The following ARHGEF38 variants were observed in gnomAD, a reference collection of about 807,000 sequenced individuals.
The protein encoded by ARHGEF38 is Rho guanine nucleotide exchange factor (GEF) 38.
ARHGEF38 carries 79 observed loss-of-function variants against 79.9 expected under a neutral mutation model. The ratio of observed to expected loss-of-function variants is 0.99; its 90% CI spans 0.82 to 1.19. The LOEUF (loss-of-function observed/expected upper bound fraction) is 1.19. Among genes scored for constraint, ARHGEF38 ranks in the 50% most tolerant of loss-of-function variants. ARHGEF38 has a pLI of 0.00. For synonymous variants in ARHGEF38, 366 were observed against 328.3 expected (o/e 1.11, Z -1.24); for missense variants, 962 against 907.2 (o/e 1.06, Z -0.78).
chr4:105,617,168 A>G lies in ARHGEF38; in HGVS notation c.508+3661A>G, dbSNP rs1281745739. Among the ~76,000 whole-genome samples the G allele has an allele frequency of 2.6e-5, 4 of 152,250 alleles. No individual in the cohort carries two copies. In the East Asian group the frequency reaches 5.8e-4, roughly 22 times the overall value. ...AAAGAAAAGCTTTTAGAAGTTTATC[A>G]TGTCAATGGTGAATTGTCTGACCTT... On this transcript the variant is annotated intron_variant, in intron 3 of 13. Coordinates refer to ENST00000420470, the MANE Select transcript of ARHGEF38 (RefSeq NM_001242729.2).
intron 4 of ARHGEF38, among the ~76,000 whole-genome samples, chr4:105,633,867 C>T (rs1487607081): frequency 6.6e-6 from 1 of 152,112 alleles, no homozygotes; most frequent in Non-Finnish European, 1.5e-5. Context: ...ACACCAGAAG[C>T]TTTCACAGTG....
At chr4:105,640,030 A>G (rs1451972004) in intron 5 of ARHGEF38, among the ~76,000 whole-genome samples, 1 of 152,020 alleles carries the variant, frequency 6.6e-6, no homozygotes, top group Non-Finnish European at 1.5e-5. Flanking sequence ...TTTGGTATTT[A>G]TCTTTATTAC....
At chr4:105,659,414 G>T in intron 10 of ARHGEF38, 49 bp downstream of exon 10, 1 of 1,487,894 alleles carries the variant, frequency 6.7e-7, no homozygotes, top group South Asian at 1.3e-5. Context: ...TACTGGATCT[G>T]CTAGAAACCA....
intron 2 of ARHGEF38, among the ~76,000 whole-genome samples, chr4:105,603,671 A>G (rs1025622048): frequency 6.6e-6 from 1 of 152,124 alleles, no homozygotes; most frequent in Non-Finnish European, 1.5e-5. Flanking sequence ...AGGCAGAGTC[A>G]TAGATATGTT....
intron 2 of ARHGEF38, among the ~76,000 whole-genome samples, chr4:105,592,513 C>T (rs541079693): frequency 4.5e-4 from 68 of 152,088 alleles, no homozygotes; most frequent in Admixed American, 8.5e-4. Flanking sequence ...TCATTATAAT[C>T]GCTCCTTGCA....
intron 1 of ARHGEF38, among the ~76,000 whole-genome samples, chr4:105,579,449 G>T (rs1216957201): frequency 6.6e-6 from 1 of 152,114 alleles, no homozygotes; most frequent in Non-Finnish European, 1.5e-5. Flanking sequence ...AAGGGATATT[G>T]AACCGTATCA....
chr4:105,640,147 A>G (rs567747054), intron 5 of ARHGEF38, among the ~76,000 whole-genome samples: 1 of 152,050 alleles, frequency 6.6e-6, no homozygotes, highest in African/African-American at 2.4e-5. Flanking sequence ...TCTACACACA[A>G]CAAACACACA....
chr4:105,634,893 AG>A (rs1360751538), intron 4 of ARHGEF38, among the ~76,000 whole-genome samples: 1 of 152,172 alleles, frequency 6.6e-6, no homozygotes, highest in African/African-American at 2.4e-5. Context: ...TTCTCCATTC[AG>A]GGAGGAAGCT....
chr4:105,568,770 G>T (rs1726067457), intron 1 of ARHGEF38, among the ~76,000 whole-genome samples: 1 of 152,290 alleles, frequency 6.6e-6, no homozygotes, highest in South Asian at 2.1e-4. Context: ...CTGGTTGGTT[G>T]TTGGGAGTAT....
intron 2 of ARHGEF38, among the ~76,000 whole-genome samples, chr4:105,607,921 C>T (rs1392726677): frequency 2.0e-5 from 3 of 151,798 alleles, no homozygotes; most frequent in Non-Finnish European, 4.4e-5. Context: ...AGATGACTGC[C>T]AAAGATAGAA....
rs985875088 is a variant in ARHGEF38, at chr4:105,636,807, C to A, written c.674+387C>A. Among the ~76,000 whole-genome samples, 6 of 151,908 alleles carry A rather than the reference C, an allele frequency of 3.9e-5. No homozygotes were observed. In the South Asian group the frequency reaches 1.2e-3, roughly 32 times the overall value. ...CATTTGAAGTTTCTATAGATTAATG[C>A]ATAAGAAAAGATTATTTTATGAAAA... On this transcript the variant is annotated intron_variant, in intron 5 of 13. Coordinates refer to ENST00000420470, the MANE Select transcript of ARHGEF38 (RefSeq NM_001242729.2).
chr4:105,626,397 G>A (rs1728948787), intron 3 of ARHGEF38, among the ~76,000 whole-genome samples: 1 of 152,094 alleles, frequency 6.6e-6, no homozygotes, highest in African/African-American at 2.4e-5. Flanking sequence ...AGCCCCTGAT[G>A]CAAATATATT....
rs1731183220 is a variant in ARHGEF38 at position 105,678,077 on chromosome 4, C to T, written c.*140C>T. 6.8e-6 allele frequency: 4 copies of T among 584,050 alleles called. No individual in the cohort carries two copies. The highest frequency in any genetic ancestry group is 1.1e-5 in the Non-Finnish European group (4 of 362,292). 36.2% of individuals were successfully genotyped at this position (584,050 alleles called of 1,614,324 possible). ...ATACTGTACTGGGTTTTCAGGAATA[C>T]TGTACTTCCTAACAGGATTATTGCA... On this transcript the variant is annotated 3_prime_UTR_variant, in exon 14 of 14. Coordinates refer to ENST00000420470, the MANE Select transcript of ARHGEF38 (RefSeq NM_001242729.2).
chr4:105,587,499 C>T (rs867855325), intron 1 of ARHGEF38, among the ~76,000 whole-genome samples: 1 of 152,128 alleles, frequency 6.6e-6, no homozygotes, highest in East Asian at 1.9e-4. Flanking sequence ...CTCATTCTCT[C>T]GCCCAGGCTG....
intron 1 of ARHGEF38, among the ~76,000 whole-genome samples, chr4:105,563,792 A>G (rs1725754291): frequency 6.6e-6 from 1 of 152,348 alleles, no homozygotes; most frequent in East Asian, 1.9e-4. Flanking sequence ...TTCATCGGCA[A>G]TCTTGAAGTG....
At chr4:105,566,820 C>A (rs1220353383) in intron 1 of ARHGEF38, among the ~76,000 whole-genome samples, 1 of 149,542 alleles carries the variant, frequency 6.7e-6, no homozygotes, top group Non-Finnish European at 1.5e-5. Context: ...ATGGCACGAT[C>A]TTGGCTCACC....
At chr4:105,631,851 A>G (rs1578329586) in intron 4 of ARHGEF38, among the ~76,000 whole-genome samples, 2 of 152,226 alleles carry the variant, frequency 1.3e-5, no homozygotes, top group South Asian at 2.1e-4. Flanking sequence ...TCCACATCTT[A>G]CCCAGTGGCT....
intron 3 of ARHGEF38, among the ~76,000 whole-genome samples, chr4:105,614,075 T>G (rs1017622140): frequency 6.6e-6 from 1 of 152,142 alleles, no homozygotes; most frequent in African/African-American, 2.4e-5. Flanking sequence ...TATGGTAGGA[T>G]TCTCAAAAAT....
intron 1 of ARHGEF38, among the ~76,000 whole-genome samples, chr4:105,574,739 T>G (rs1346425197): frequency 6.6e-6 from 1 of 152,134 alleles, no homozygotes; most frequent in Non-Finnish European, 1.5e-5. Flanking sequence ...TTTTTATTTC[T>G]ATAGCTTTTG....
Sources: gnomAD v4.1 joint callset for allele counts (sites outside exome capture counted in the v4.1 genomes callset) on GRCh38, gnomAD v4.1.1 for gene constraint, MANE v1.5 for transcripts, NCBI Gene and HGNC (gene_info 2026-07-23, HGNC 2026-07-21) for gene names.